The following TMEM132E variants were observed in gnomAD, a reference collection of about 807,000 sequenced individuals.
TMEM132E encodes transmembrane protein 132E.
TMEM132E carries 49 observed loss-of-function variants against 78.5 expected under a neutral mutation model. The ratio of observed to expected loss-of-function variants is 0.62; its 90% CI spans 0.50 to 0.79. The LOEUF is 0.79. Among genes scored for constraint, TMEM132E ranks in the 30% least tolerant of loss-of-function variants. The pLI, the probability that TMEM132E is intolerant of heterozygous loss-of-function variation, is 0.00. For missense variants in TMEM132E, 1,403 were observed against 1,470.9 expected, an observed-to-expected ratio of 0.95 and a Z score of 0.75; for synonymous variants, 715 against 670.6, an observed-to-expected ratio of 1.07 and a Z score of -1.02.
At chr17:34,623,524 A>G (rs1192860304) in intron 1 of TMEM132E, among the ~76,000 whole-genome samples, 1 of 152,052 alleles carries the variant, frequency 6.6e-6, no homozygotes, top group Non-Finnish European at 1.5e-5. Context: ...TCAGCACTCA[A>G]AGGCCCTGTA....
At position 34,628,707 on chromosome 17, in the gene TMEM132E, C is replaced by G. The variant is rs553472051; in HGVS notation, c.1143C>G (p.Pro381=). ...GGGCTCAGAGCACACCCCTGCCCCC[C>G]AGGTGAGCCCGAGGTGGTGCATCTA... ...VAWAQSTPLP[P]REGQGPLEIL... Residue 381 remains proline, a splice_region_variant and synonymous_variant, in exon 3 of 9, where the codon CCC becomes CCG. Coordinates refer to ENST00000631683, the MANE Select transcript of TMEM132E (RefSeq NM_001304438.2). 5 of 1,589,750 alleles carry G rather than the reference C, an allele frequency of 3.1e-6. No homozygotes were observed. Among genetic ancestry groups the G allele is most frequent in the Admixed American group, 1.8e-5 (1 of 55,668 alleles).
At chr17:34,613,388 C>T (rs1242817111) in intron 1 of TMEM132E, among the ~76,000 whole-genome samples, 1 of 149,230 alleles carries the variant, frequency 6.7e-6, no homozygotes, top group Non-Finnish European at 1.5e-5. Flanking sequence ...CACTCCCCTC[C>T]CCCGCTGCTC....
At chr17:34,583,533 T>C (rs1212178944) in intron 1 of TMEM132E, among the ~76,000 whole-genome samples, 1 of 152,208 alleles carries the variant, frequency 6.6e-6, no homozygotes, top group African/African-American at 2.4e-5. Flanking sequence ...CTGTTAAGAA[T>C]AGGGTCCGGG....
Position 34,596,069 on chromosome 17 carries a change from C to T in TMEM132E, c.67+14926C>T, listed in dbSNP as rs564459203. Among the ~76,000 whole-genome samples the T allele has an allele frequency of 1.2e-3, 23 of 18,506 alleles. 2 individuals carry two copies. In the South Asian group the frequency reaches 0.029, roughly 23 times the overall value. The allele number at this position is 18,506 out of a possible 152,430, so 12.1% of individuals were successfully genotyped here. On this transcript the variant is annotated intron_variant, in intron 1 of 8. Coordinates refer to ENST00000631683, the MANE Select transcript of TMEM132E (RefSeq NM_001304438.2). The stretch of plus-strand genomic sequence containing the variant: ...TGTCACACACACACACACACACACG[C>T]ACAACTTGCATTCCCCAGGCAACCA...
At chr17:34,588,090 C>T (rs1905740656) in intron 1 of TMEM132E, among the ~76,000 whole-genome samples, 1 of 152,186 alleles carries the variant, frequency 6.6e-6, no homozygotes. Context: ...TCTTCCCTTG[C>T]CCTCCATGCT....
chr17:34,624,039 G>A (rs1285329671), intron 1 of TMEM132E, among the ~76,000 whole-genome samples: 1 of 152,228 alleles, frequency 6.6e-6, no homozygotes, highest in Admixed American at 6.5e-5. Context: ...CACAGGAGAA[G>A]TGGTGAGAGC....
chr17:34,631,325 A>C (rs951727462), intron 5 of TMEM132E, among the ~76,000 whole-genome samples: 5 of 152,074 alleles, frequency 3.3e-5, no homozygotes, highest in Non-Finnish European at 7.4e-5. Flanking sequence ...CCTTCAGAGA[A>C]GCCTCACCAG....
intron 1 of TMEM132E, among the ~76,000 whole-genome samples, chr17:34,617,473 T>TAAATAAA (rs1906820842): frequency 6.6e-6 from 1 of 152,196 alleles, no homozygotes; most frequent in Non-Finnish European, 1.5e-5. Flanking sequence ...ACTTCCCTCC[T>TAAATAAA]CTCAGAACTA....
In TMEM132E at chr17:34,629,998, C is replaced by T; in HGVS notation, c.1339-10C>T. ...CCACAAGTAGAGCCCCCCCCTTCTC[C>T]TCCCTGCAGGACACAGAGATCATCA... On this transcript the variant is annotated splice_polypyrimidine_tract_variant and intron_variant, in intron 4 of 8. Coordinates refer to ENST00000631683, the MANE Select transcript of TMEM132E (RefSeq NM_001304438.2). 6.3e-7 allele frequency: 1 copy of T among 1,593,838 alleles called. No individual in the cohort carries two copies. Among genetic ancestry groups the T allele is most frequent in the Non-Finnish European group, 8.6e-7 (1 of 1,164,100 alleles).
rs1167612766 is a variant in TMEM132E at position 34,639,306 on chromosome 17, T to A, written c.*1074T>A. On this transcript the variant is annotated 3_prime_UTR_variant, in exon 9 of 9. Transcript: ENST00000631683. ...CTGGAGGTGGGGGCAGCAGCTCCCA[T>A]GAACAGAGAGTACATGGTGGCTGGC... 2 of 152,566 alleles carry A rather than the reference T, an allele frequency of 1.3e-5. No homozygotes were observed. The highest frequency in any genetic ancestry group is 2.9e-5 in the Non-Finnish European group (2 of 68,060). 9.5% of individuals were successfully genotyped at this position (152,566 alleles called of 1,614,324 possible). A position where few individuals can be genotyped will look rare whatever the true frequency, so the allele number is the denominator to read the frequency against.
intron 1 of TMEM132E, among the ~76,000 whole-genome samples, chr17:34,619,217 A>G (rs1186877293): frequency 1.3e-5 from 2 of 149,146 alleles, no homozygotes; most frequent in Non-Finnish European, 3.0e-5. Flanking sequence ...TAGATTTGAC[A>G]AAAAGATGTG....
intron 5 of TMEM132E, among the ~76,000 whole-genome samples, chr17:34,630,761 C>T (rs760038729): frequency 6.6e-6 from 1 of 152,144 alleles, no homozygotes; most frequent in Non-Finnish European, 1.5e-5. Flanking sequence ...CTCCTAAAGG[C>T]TCCTGTCAGC....
At chr17:34,607,226 A>G (rs1339461424) in intron 1 of TMEM132E, among the ~76,000 whole-genome samples, 1 of 152,196 alleles carries the variant, frequency 6.6e-6, no homozygotes, top group Non-Finnish European at 1.5e-5. Context: ...AGAACTTACT[A>G]TGTAAAAGCT....
chr17:34,637,512 C>A lies in TMEM132E; in HGVS notation c.2505C>A (p.Gly835=). The stretch of plus-strand genomic sequence containing the variant: ...CCAGCCAACCAGGGCCCGGCGGGGG[C>A]GAGGACGAGGCCCGGGGAGCTGGCC... ...PGPSQPGPGG[G]EDEARGAGPP... The change falls in exon 9 of 9, where the codon GGC becomes GGA. Residue 835 remains glycine (G), a synonymous_variant. Coordinates refer to ENST00000631683, the MANE Select transcript of TMEM132E (RefSeq NM_001304438.2). 5 of 1,604,278 alleles carry A rather than the reference C, an allele frequency of 3.1e-6. No individual in the cohort carries two copies. The highest frequency in any genetic ancestry group is 4.3e-6 in the Non-Finnish European group (5 of 1,176,310).
chr17:34,637,042 G>A, intron 8 of TMEM132E, 135 bp from the exon 9 acceptor site: 1 of 755,742 alleles, frequency 1.3e-6, no homozygotes, highest in South Asian at 1.8e-5. Context: ...CAGGTCACAG[G>A]CACAGTTCCA....
At chr17:34,616,230 G>A (rs1258347586) in intron 1 of TMEM132E, among the ~76,000 whole-genome samples, 2 of 152,150 alleles carry the variant, frequency 1.3e-5, no homozygotes, top group Non-Finnish European at 2.9e-5. Context: ...TCAGGGCAAA[G>A]TGGAGGAGGG....
intron 3 of TMEM132E, 68 bp from the exon 4 acceptor site, chr17:34,628,944 G>T (rs1907251372): frequency 1.3e-6 from 2 of 1,499,878 alleles, no homozygotes; most frequent in Non-Finnish European, 1.8e-6. Context: ...CCCACTGAGA[G>T]TTTCTGAGCT....
chr17:34,629,797 G>T (rs569362737), intron 4 of TMEM132E, among the ~76,000 whole-genome samples: 1 of 152,274 alleles, frequency 6.6e-6, no homozygotes, highest in Admixed American at 6.5e-5. Context: ...TGGACCCTGA[G>T]GTTCCTGCAA....
At chr17:34,581,959 GA>G (rs372946519) in intron 1 of TMEM132E, among the ~76,000 whole-genome samples, 328 of 152,220 alleles carry the variant, frequency 2.2e-3, no homozygotes, top group African/African-American at 7.6e-3. Flanking sequence ...CCAAGAATGG[GA>G]AATCAGACCA....
Sources: gnomAD v4.1 joint callset for allele counts (sites outside exome capture counted in the v4.1 genomes callset) on GRCh38, gnomAD v4.1.1 for gene constraint, MANE v1.5 for transcripts, NCBI Gene and HGNC (gene_info 2026-07-23, HGNC 2026-07-21) for gene names.